PDE7B: variants seen among roughly 807,000 people sequenced by gnomAD.
The protein encoded by PDE7B is phosphodiesterase 7B, also known as 3',5'-cyclic-AMP phosphodiesterase 7B.
In PDE7B, 29 loss-of-function variants were observed where a neutral mutation model predicts 56.2. The ratio of observed to expected loss-of-function variants is 0.52; its 90% CI spans 0.38 to 0.70. The LOEUF is 0.70. PDE7B is among the 30% of genes least tolerant of loss of function. PDE7B has a pLI of 0.00. For missense variants in PDE7B, 490 were observed against 565.0 expected, an observed-to-expected ratio of 0.87 and a Z score of 1.35; for synonymous variants, 197 against 196.9, an observed-to-expected ratio of 1.00 and a Z score of 0.00.
At chr6:135,879,676 A>T (rs1775568595) in intron 1 of PDE7B, among the ~76,000 whole-genome samples, 1 of 152,234 alleles carries the variant, frequency 6.6e-6, no homozygotes, top group African/African-American at 2.4e-5. Flanking sequence ...GTCCTTAAGG[A>T]AATACAGTTG....
chr6:136,183,707 G>C (rs1435148787), intron 11 of PDE7B, among the ~76,000 whole-genome samples: 1 of 151,314 alleles, frequency 6.6e-6, no homozygotes, highest in Non-Finnish European at 1.5e-5. Flanking sequence ...AGGATGACTT[G>C]TGTCATTTTG....
At chr6:135,928,861 A>G (rs533621396) in intron 1 of PDE7B, among the ~76,000 whole-genome samples, 1 of 152,160 alleles carries the variant, frequency 6.6e-6, no homozygotes, top group South Asian at 2.1e-4. Context: ...ATCAGGTACT[A>G]TGCTCACTAC....
chr6:135,892,351 C>T (rs1388900646), intron 1 of PDE7B, among the ~76,000 whole-genome samples: 1 of 152,072 alleles, frequency 6.6e-6, no homozygotes, highest in Non-Finnish European at 1.5e-5. Flanking sequence ...ACTTCAAGTA[C>T]CTTCCCAAGT....
intron 2 of PDE7B, among the ~76,000 whole-genome samples, chr6:136,076,302 G>A (rs913876774): frequency 2.6e-5 from 4 of 151,982 alleles, no homozygotes; most frequent in Non-Finnish European, 4.4e-5. Context: ...GTGAAACCCC[G>A]TCTCTACTAA....
intron 2 of PDE7B, among the ~76,000 whole-genome samples, chr6:136,107,369 A>G (rs950802090): frequency 2.0e-5 from 3 of 152,230 alleles, no homozygotes; most frequent in Non-Finnish European, 2.9e-5. Context: ...TATGTCTCAC[A>G]TATTTCTACC....
chr6:136,133,179 A>C (rs534123587), intron 3 of PDE7B, among the ~76,000 whole-genome samples: 8 of 151,980 alleles, frequency 5.3e-5, no homozygotes, highest in Non-Finnish European at 1.0e-4. Flanking sequence ...ACATGTATAC[A>C]TATGTAACTA....
At position 136,181,323 on chromosome 6, in the gene PDE7B, G is replaced by A; in HGVS notation, c.1045G>A (p.Gly349Ser). The A allele has an allele frequency of 6.4e-7, 1 of 1,574,196 alleles. No homozygotes were observed. Among genetic ancestry groups the A allele is most frequent in the Non-Finnish European group, 8.7e-7 (1 of 1,143,686 alleles). The change falls in exon 11 of 13, where the codon GGT becomes AGT. Residue 349 changes from glycine to serine, a missense_variant and splice_region_variant. Coordinates refer to ENST00000308191, the MANE Select transcript of PDE7B (RefSeq NM_018945.4). ...ERVCEEFYRQGELEQKFELEI... is the reference protein window; with the variant it reads ...ERVCEEFYRQSELEQKFELEI... ...GGTCTGTGAAGAATTCTACAGGCAA[G>A]GTTAGTAGTGATCCAACAGCTGAGA...
At chr6:136,052,212 A>G (rs1245436790) in intron 2 of PDE7B, among the ~76,000 whole-genome samples, 5 of 152,212 alleles carry the variant, frequency 3.3e-5, no homozygotes, top group Non-Finnish European at 5.9e-5. Flanking sequence ...AGTAGGAGGA[A>G]AGAGAAGAGT....
chr6:136,031,596 G>A (rs1776247313), intron 2 of PDE7B, among the ~76,000 whole-genome samples: 1 of 151,494 alleles, frequency 6.6e-6, no homozygotes, highest in African/African-American at 2.4e-5. Context: ...AAAATTAGCC[G>A]GGCGTAGTGG....
intron 3 of PDE7B, among the ~76,000 whole-genome samples, chr6:136,120,963 C>A (rs17065280): frequency 0.019 from 2,963 of 152,250 alleles, 85 homozygotes; most frequent in African/African-American, 0.066. Context: ...TAGCAATGCA[C>A]ACTGAAAAAC....
chr6:135,867,678 C>A (rs1317707658), intron 1 of PDE7B, among the ~76,000 whole-genome samples: 1 of 152,136 alleles, frequency 6.6e-6, no homozygotes, highest in African/African-American at 2.4e-5. Flanking sequence ...TAATATTATA[C>A]CTTACAGGTA....
intron 1 of PDE7B, among the ~76,000 whole-genome samples, chr6:135,919,913 T>C (rs191733197): frequency 1.0e-3 from 154 of 152,324 alleles, no homozygotes; most frequent in African/African-American, 3.5e-3. Flanking sequence ...CTACCACTAC[T>C]GTTTAGAGAA....
intron 1 of PDE7B, among the ~76,000 whole-genome samples, chr6:135,863,122 T>TC (rs917476788): frequency 2.6e-5 from 4 of 151,982 alleles, no homozygotes; most frequent in Non-Finnish European, 5.9e-5. Context: ...GTAAATGTAT[T>TC]CTGCAATTGT....
At chr6:135,980,602 C>T (rs1348984511) in intron 2 of PDE7B, among the ~76,000 whole-genome samples, 2 of 151,898 alleles carry the variant, frequency 1.3e-5, no homozygotes, top group African/African-American at 4.8e-5. Flanking sequence ...CAAGAAACAA[C>T]CCCATCAAAG....
chr6:135,964,730 C>G (rs1263297511), intron 2 of PDE7B, among the ~76,000 whole-genome samples: 1 of 152,138 alleles, frequency 6.6e-6, no homozygotes, highest in Non-Finnish European at 1.5e-5. Context: ...CTTCTAGGCA[C>G]CAGAAAAACA....
intron 3 of PDE7B, among the ~76,000 whole-genome samples, chr6:136,114,486 G>A (rs1777799679): frequency 6.6e-6 from 1 of 152,060 alleles, no homozygotes; most frequent in South Asian, 2.1e-4. Flanking sequence ...AAATCATCTG[G>A]CCCTAAGTGA....
chr6:136,043,574 G>T (rs1167857098), intron 2 of PDE7B, among the ~76,000 whole-genome samples: 1 of 22,150 alleles, frequency 4.5e-5, no homozygotes, highest in African/African-American at 2.0e-4. Flanking sequence ...TGACATAATA[G>T]CAAAAAAAAA....
At chr6:135,953,233 TC>T (rs1326047829) in intron 2 of PDE7B, among the ~76,000 whole-genome samples, 5 of 64,318 alleles carry the variant, frequency 7.8e-5, no homozygotes, top group Non-Finnish European at 1.5e-4. Flanking sequence ...TATATTTTGC[TC>T]TTATCACTTG....
At chr6:136,101,416 C>G (rs185979559) in intron 2 of PDE7B, among the ~76,000 whole-genome samples, 2 of 152,162 alleles carry the variant, frequency 1.3e-5, no homozygotes, top group Non-Finnish European at 2.9e-5. Context: ...GGTTGGTAGG[C>G]TATTCATTAT....
Sources: allele counts gnomAD v4.1 joint callset (sites outside exome capture counted in the v4.1 genomes callset), GRCh38; gene constraint gnomAD v4.1.1; transcripts MANE v1.5; gene names NCBI Gene and HGNC (gene_info 2026-07-23, HGNC 2026-07-21).